The following FBLN5 variants were observed in gnomAD, a reference collection of about 807,000 sequenced individuals.
FBLN5 encodes fibulin-5.
A neutral mutation model predicts 61.6 loss-of-function variants in FBLN5; 24 were observed. The observed-to-expected ratio is 0.39, with a 90% CI of 0.28 to 0.55. FBLN5 has a LOEUF of 0.55. Among genes scored for constraint, FBLN5 ranks in the 20% least tolerant of loss-of-function variants. FBLN5 has a pLI of 0.65. For missense variants in FBLN5, 470 were observed against 594.1 expected, an observed-to-expected ratio of 0.79 and a Z score of 2.17; for synonymous variants, 213 against 219.8, an observed-to-expected ratio of 0.97 and a Z score of 0.27.
At chr14:91,871,326 T>A (rs1341550640) in intron 10 of FBLN5, among the ~76,000 whole-genome samples, 1 of 151,754 alleles carries the variant, frequency 6.6e-6, no homozygotes. Flanking sequence ...TATTTTTAGG[T>A]GATGCCTGGG....
chr14:91,935,935 G>A (rs926355901), intron 4 of FBLN5, among the ~76,000 whole-genome samples: 3 of 152,180 alleles, frequency 2.0e-5, no homozygotes, highest in South Asian at 2.1e-4. Flanking sequence ...CGAAAATGCA[G>A]AAGTTTGGGT....
intron 4 of FBLN5, among the ~76,000 whole-genome samples, chr14:91,914,675 A>G (rs1159694375): frequency 6.6e-6 from 1 of 151,924 alleles, no homozygotes; most frequent in African/African-American, 2.4e-5. Flanking sequence ...CAAATCCAAA[A>G]CATAGAAAGA....
At chr14:91,931,644 C>A (rs2055925907) in intron 4 of FBLN5, among the ~76,000 whole-genome samples, 1 of 152,222 alleles carries the variant, frequency 6.6e-6, no homozygotes, top group African/African-American at 2.4e-5. Flanking sequence ...TAAAAGGCTG[C>A]TTTCTCAGCC....
chr14:91,884,639 C>T (rs2139964023), intron 7 of FBLN5, among the ~76,000 whole-genome samples: 1 of 152,334 alleles, frequency 6.6e-6, no homozygotes, highest in East Asian at 1.9e-4. Context: ...GGGACTTGAA[C>T]CCAGCCTCTA....
intron 4 of FBLN5, among the ~76,000 whole-genome samples, chr14:91,906,542 C>A (rs971760502): frequency 1.3e-5 from 2 of 152,222 alleles, no homozygotes; most frequent in African/African-American, 4.8e-5. Context: ...CTCCCCATCA[C>A]CCTTTGGACT....
chr14:91,907,517 T>A (rs910580660), intron 4 of FBLN5, among the ~76,000 whole-genome samples: 1 of 151,904 alleles, frequency 6.6e-6, no homozygotes, highest in Non-Finnish European at 1.5e-5. Context: ...CACAGAGACA[T>A]GAGAGGCACT....
chr14:91,898,796 C>CTTTTTTTTTTTT (rs35840279), intron 4 of FBLN5, among the ~76,000 whole-genome samples: 3 of 84,240 alleles, frequency 3.6e-5, no homozygotes, highest in African/African-American at 5.2e-5. Context: ...TTCATTCATT[C>CTTTTTTTTTTTT]TTTTTTTTTT....
At position 91,895,065 on chromosome 14, in the gene FBLN5, G is replaced by T; in HGVS notation, c.387C>A (p.Asp129Glu). The change falls in exon 5 of 11, where the codon GAC becomes GAA. Residue 129 changes from aspartate (D) to glutamate (E), a missense_variant. Physicochemically the swap from Asp to Glu is conservative, Grantham distance 45. Coordinates refer to ENST00000342058, the MANE Select transcript of FBLN5 (RefSeq NM_006329.4). The part of the protein sequence containing the change: ...MDESNQCVDV[D>E]ECATDSHQCN... ...ACTGGTGGGAATCTGTTGCACACTC[G>T]TCCACATCTGTAATACAGACATAGT... 1 of 1,614,042 alleles carries T rather than the reference G, an allele frequency of 6.2e-7. No individual in the cohort carries two copies. Among genetic ancestry groups the T allele is most frequent in the Non-Finnish European group, 8.5e-7 (1 of 1,179,958 alleles).
At chr14:91,879,280 C>T (rs950203436) in intron 9 of FBLN5, among the ~76,000 whole-genome samples, 1 of 152,052 alleles carries the variant, frequency 6.6e-6, no homozygotes. Flanking sequence ...GCAGGACTGG[C>T]TATGTGGAAA....
intron 4 of FBLN5, among the ~76,000 whole-genome samples, chr14:91,909,426 A>G (rs2498829): frequency 0.29 from 43,656 of 152,126 alleles, 6,450 homozygotes; most frequent in Admixed American, 0.32. Flanking sequence ...GACTACTGCT[A>G]TGGTTTGAAT....
At chr14:91,933,075 G>A (rs1048927898) in intron 4 of FBLN5, among the ~76,000 whole-genome samples, 1 of 152,196 alleles carries the variant, frequency 6.6e-6, no homozygotes, top group African/African-American at 2.4e-5. Flanking sequence ...TTTTGTGGCT[G>A]AGAAAGCAGG....
rs199594422 is a variant in FBLN5, at chr14:91,943,756, G to A, written c.18-795C>T. On this transcript the variant is annotated intron_variant, in intron 1 of 10. Coordinates refer to ENST00000342058, the MANE Select transcript of FBLN5 (RefSeq NM_006329.4). The surrounding 1 kb of genome is among the most constrained non-coding windows in gnomAD (Gnocchi z 4.0). The stretch of plus-strand genomic sequence containing the variant: ...GAACCAGAGCATTGAGTCCACATGT[G>A]TGAAAATCCCCCATCAGTGGATGGG... Among the ~76,000 whole-genome samples the A allele has an allele frequency of 3.9e-5, 6 of 152,172 alleles. No homozygotes were observed. In the East Asian group the frequency reaches 5.8e-4, roughly 15 times the overall value.
chr14:91,892,123 T>C (rs1890021601), intron 5 of FBLN5, among the ~76,000 whole-genome samples: 1 of 152,212 alleles, frequency 6.6e-6, no homozygotes, highest in Admixed American at 6.5e-5. Flanking sequence ...CTGTAATATG[T>C]ATCCATCAAT....
intron 4 of FBLN5, among the ~76,000 whole-genome samples, chr14:91,926,175 ACAG>A (rs1311694926): frequency 6.6e-6 from 1 of 152,042 alleles, no homozygotes; most frequent in African/African-American, 2.4e-5. Context: ...TGAACCCCCG[ACAG>A]CCATGCCCTC....
intron 4 of FBLN5, among the ~76,000 whole-genome samples, chr14:91,926,824 G>A (rs75304626): frequency 0.012 from 1,764 of 152,188 alleles, 43 homozygotes; most frequent in African/African-American, 0.04. Flanking sequence ...GAGTGACAAC[G>A]CGATTGCTTA....
intron 4 of FBLN5, among the ~76,000 whole-genome samples, chr14:91,898,853 C>G (rs1014150263): frequency 3.0e-5 from 4 of 131,938 alleles, no homozygotes; most frequent in Non-Finnish European, 4.6e-5. Context: ...CCAGGCTGGA[C>G]TGCAGTGGCG....
At chr14:91,887,335 G>T (rs1273245938) in intron 6 of FBLN5, 23 bp from the exon 7 acceptor site, 2 of 1,610,514 alleles carry the variant, frequency 1.2e-6, no homozygotes, top group African/African-American at 1.3e-5. Context: ...AAGGCACATT[G>T]CTGACTGTCC....
intron 4 of FBLN5, among the ~76,000 whole-genome samples, chr14:91,908,406 T>C (rs1890773417): frequency 6.6e-6 from 1 of 152,202 alleles, no homozygotes; most frequent in African/African-American, 2.4e-5. Context: ...TACAGAGACT[T>C]TCTTCATTAG....
intron 4 of FBLN5, among the ~76,000 whole-genome samples, chr14:91,902,401 C>T (rs1890498155): frequency 6.6e-6 from 1 of 150,376 alleles, no homozygotes; most frequent in South Asian, 2.1e-4. Flanking sequence ...ATTTGTCTAT[C>T]GACAGAAATT....
Sources: gnomAD v4.1 joint callset for allele counts (sites outside exome capture counted in the v4.1 genomes callset) on GRCh38, gnomAD v4.1.1 for gene constraint, Gnocchi (gnomAD v3.1) non-coding constraint, MANE v1.5 for transcripts, NCBI Gene and HGNC (gene_info 2026-07-23, HGNC 2026-07-21) for gene names.